ERBIN: variants seen among roughly 807,000 people sequenced by gnomAD.
The protein encoded by ERBIN is erbb2 interacting protein, also known as densin-180-like protein.
ERBIN carries 60 observed loss-of-function variants against 158.4 expected under a neutral mutation model. The observed-to-expected ratio is 0.38, with a 90% confidence interval of 0.31 to 0.47. ERBIN has a LOEUF of 0.47. ERBIN is among the 20% of genes least tolerant of loss of function. The pLI is 0.99. For synonymous variants in ERBIN, 594 were observed against 557.2 expected (o/e 1.07, Z -0.93); for missense variants, 1,610 against 1,648.0 (o/e 0.98, Z 0.40).
At chr5:66,030,372 C>T (rs1278000866) in intron 14 of ERBIN, among the ~76,000 whole-genome samples, 3 of 151,922 alleles carry the variant, frequency 2.0e-5, no homozygotes, top group African/African-American at 2.4e-5. Context: ...AGGCAATTAC[C>T]GTATCTGTTA....
At chr5:66,046,636 G>A in intron 18 of ERBIN, 98 bp downstream of exon 18, 1 of 966,862 alleles carries the variant, frequency 1.0e-6, no homozygotes, top group Non-Finnish European at 1.5e-6. Context: ...TAGAAAATAT[G>A]TTAATGCATT....
chr5:65,968,675 C>T (rs1284711797), intron 1 of ERBIN, among the ~76,000 whole-genome samples: 1 of 152,130 alleles, frequency 6.6e-6, no homozygotes, highest in Non-Finnish European at 1.5e-5. Flanking sequence ...ATTCTCCTAT[C>T]TCAGTCTCCC....
At chr5:66,067,517 C>T (rs779722550) in intron 21 of ERBIN, among the ~76,000 whole-genome samples, 8 of 152,100 alleles carry the variant, frequency 5.3e-5, no homozygotes, top group Non-Finnish European at 1.0e-4. Flanking sequence ...AGTGGAACAG[C>T]GGGAATCAGG....
intron 10 of ERBIN, 59 bp downstream of exon 10, chr5:66,024,509 T>C: frequency 6.7e-7 from 1 of 1,488,482 alleles, no homozygotes; most frequent in African/African-American, 1.4e-5. Flanking sequence ...GACTTCCACA[T>C]AATCTCAAAT....
chr5:65,932,040 A>G (rs1157785856), intron 1 of ERBIN, among the ~76,000 whole-genome samples: 1 of 150,496 alleles, frequency 6.6e-6, no homozygotes, highest in Non-Finnish European at 1.5e-5. Context: ...CTGGTCTTGA[A>G]CTCCTGACCT....
rs761081969 is a variant in ERBIN, at chr5:66,025,858, G to A, written c.901G>A (p.Val301Ile). The A allele has an allele frequency of 5.3e-6, 8 of 1,515,010 alleles. No homozygotes were observed. Among genetic ancestry groups the A allele is most frequent in the Admixed American group, 4.0e-5 (2 of 50,508 alleles). 93.8% of individuals were successfully genotyped at this position (1,515,010 alleles called of 1,614,324 possible). A position where few individuals can be genotyped will look rare whatever the true frequency, so the allele number is the denominator to read the frequency against. ...TTTTTTAAATTAAAGGTTAATATCA[G>A]TAGAAGAACTGGATTGTAGTTTCAA... ...LPDSIGGLIS[V>I]EELDCSFNEV... The change falls in exon 12 of 26, where the codon GTA (valine) becomes ATA (isoleucine). Residue 301 changes from valine to isoleucine, a missense_variant. By Grantham distance (29) the Val-to-Ile change is conservative. Coordinates refer to ENST00000284037, the MANE Select transcript of ERBIN (RefSeq NM_001253697.2).
At chr5:65,965,369 T>TTTGTTTTTTG (rs1309272420) in intron 1 of ERBIN, among the ~76,000 whole-genome samples, 5 of 143,854 alleles carry the variant, frequency 3.5e-5, no homozygotes, top group Admixed American at 2.1e-4. Context: ...TCTTACCAGA[T>TTTGTTTTTTG]TTGTTTTTTG....
chr5:65,930,593 C>T (rs1385284551), intron 1 of ERBIN, among the ~76,000 whole-genome samples: 4 of 152,240 alleles, frequency 2.6e-5, no homozygotes, highest in African/African-American at 9.6e-5. Context: ...CAGGCATGAG[C>T]CACCGCTCCC....
At chr5:65,962,084 C>T (rs962421388) in intron 1 of ERBIN, among the ~76,000 whole-genome samples, 3 of 152,156 alleles carry the variant, frequency 2.0e-5, no homozygotes, top group Admixed American at 1.3e-4. Flanking sequence ...TTTTTTAAAG[C>T]TATGTGGATG....
chr5:66,025,446 CTGAAAAATTGTA>C lies in ERBIN; in HGVS notation c.818-31_818-20del, dbSNP rs757321989. On this transcript the variant is annotated intron_variant, in intron 10 of 25. Coordinates refer to ENST00000284037, the MANE Select transcript of ERBIN (RefSeq NM_001253697.2). ...TTGGTGGACTTGCTTCTATTTTAAG[CTGAAAAATTGTA>C]TGTTGTTTCTTCCCTCATTAGGTTC... 4.2e-5 allele frequency: 65 copies of C among 1,529,834 alleles called. No individual in the cohort carries two copies. The African/African-American group carries it at 8.7e-4, about 20-fold the overall frequency. The allele number at this position is 1,529,834 out of a possible 1,614,324, so 94.8% of individuals were successfully genotyped here. A position where few individuals can be genotyped will look rare whatever the true frequency, so the allele number is the denominator to read the frequency against.
chr5:66,029,407 A>G (rs1359482564), intron 14 of ERBIN, among the ~76,000 whole-genome samples: 1 of 152,174 alleles, frequency 6.6e-6, no homozygotes, highest in Non-Finnish European at 1.5e-5. Context: ...CTGGTCTCAT[A>G]TGATACTCAT....
chr5:66,021,695 A>G (rs1017796799), intron 8 of ERBIN, among the ~76,000 whole-genome samples: 1 of 152,234 alleles, frequency 6.6e-6, no homozygotes, highest in Admixed American at 6.5e-5. Context: ...TCTGGAATGC[A>G]GCAGGTAAAA....
At position 66,058,445 on chromosome 5, in the gene ERBIN, A is replaced by G. The variant is rs541271272; in HGVS notation, c.3633+3494A>G. ...AGATTCTGGATATTAGCCCTTTGTC[A>G]GATGAGTAGGTTGCAAAAATTTTCT... On this transcript the variant is annotated intron_variant, in intron 21 of 25. Coordinates refer to ENST00000284037, the MANE Select transcript of ERBIN (RefSeq NM_001253697.2). 6.8e-4 allele frequency among the ~76,000 whole-genome samples: 103 copies of G among 152,066 alleles called. 1 individual carries two copies. The highest frequency in any genetic ancestry group is 2.5e-3 in the African/African-American group (103 of 41,332).
Position 66,054,591 on chromosome 5 carries a change from A to G in ERBIN, c.3273A>G (p.Pro1091=), listed in dbSNP as rs778329856. The part of the protein sequence containing the change: ...SSTASVNLGD[P]GSTRRAQIPE... ...CAGCCTCTGTAAATCTTGGTGATCC[A>G]GGCTCTACAAGGCGGGCTCAGATTC... Residue 1091 remains proline, a synonymous_variant, in exon 21 of 26, where the codon CCA becomes CCG. Transcript: ENST00000284037. 1 of 1,614,172 alleles carries G rather than the reference A, an allele frequency of 6.2e-7. No homozygotes were observed. The highest frequency in any genetic ancestry group is 1.7e-5 in the Admixed American group (1 of 60,014).
intron 1 of ERBIN, among the ~76,000 whole-genome samples, chr5:65,958,865 T>C (rs1747597884): frequency 6.6e-6 from 1 of 152,116 alleles, no homozygotes; most frequent in Admixed American, 6.5e-5. Flanking sequence ...AACTGCAGGG[T>C]AATGTAAGTG....
At chr5:65,941,398 A>C (rs920734910) in intron 1 of ERBIN, among the ~76,000 whole-genome samples, 11 of 152,028 alleles carry the variant, frequency 7.2e-5, no homozygotes, top group Admixed American at 2.6e-4. Context: ...TAGGCATTAT[A>C]AGTAATTTAG....
intron 19 of ERBIN, among the ~76,000 whole-genome samples, chr5:66,050,043 T>C (rs867157477): frequency 6.6e-6 from 1 of 152,048 alleles, no homozygotes; most frequent in Non-Finnish European, 1.5e-5. Context: ...TTAGAGTAGA[T>C]GGGAAAAAAT....
chr5:66,022,249 C>T (rs936675875), intron 8 of ERBIN, among the ~76,000 whole-genome samples: 2 of 152,184 alleles, frequency 1.3e-5, no homozygotes, highest in Admixed American at 6.5e-5. Context: ...CGTCCTTTCT[C>T]AATATTTGTT....
chr5:65,957,430 A>G lies in ERBIN; in HGVS notation c.-58+30624A>G, dbSNP rs1189194442. Among the ~76,000 whole-genome samples the G allele has an allele frequency of 2.6e-5, 4 of 152,104 alleles. No homozygotes were observed. The South Asian group carries it at 8.3e-4, about 31-fold the overall frequency. ...GGAGTGGTGATGACTCTTAACGAGC[A>G]TGCTGCCTTCAAGCATCTGTTTAAC... On this transcript the variant is annotated intron_variant, in intron 1 of 25. Transcript: ENST00000284037.
Sources: gnomAD v4.1 joint callset for allele counts (sites outside exome capture counted in the v4.1 genomes callset) on GRCh38, gnomAD v4.1.1 for gene constraint, MANE v1.5 for transcripts, NCBI Gene and HGNC (gene_info 2026-07-23, HGNC 2026-07-21) for gene names.